The following COBL variants were observed in gnomAD, a reference collection of about 807,000 sequenced individuals.
The protein encoded by COBL is cordon-bleu WH2 repeat protein.
A neutral mutation model predicts 98.8 loss-of-function variants in COBL; 51 were observed. That is an observed-to-expected ratio of 0.52 (90% CI 0.41 to 0.65). The LOEUF (loss-of-function observed/expected upper bound fraction) is 0.65. Among genes scored for constraint, COBL ranks in the 30% least tolerant of loss-of-function variants. The pLI, the probability that COBL is intolerant of heterozygous loss-of-function variation, is 0.00. For synonymous variants in COBL, 634 were observed against 651.7 expected (o/e 0.97, Z 0.41); for missense variants, 1,617 against 1,617.5 (o/e 1.00, Z 0.01).
At chr7:51,140,974 C>G (rs1261714622) in intron 5 of COBL, among the ~76,000 whole-genome samples, 3 of 152,134 alleles carry the variant, frequency 2.0e-5, no homozygotes, top group African/African-American at 7.2e-5. Flanking sequence ...AGCTGCCTCA[C>G]GAGCACACCC....
intron 5 of COBL, among the ~76,000 whole-genome samples, chr7:51,137,598 AAAG>A (rs770185524): frequency 6.6e-6 from 1 of 151,790 alleles, no homozygotes; most frequent in Non-Finnish European, 1.5e-5. Flanking sequence ...AAAAAAAAAA[AAAG>A]GAGTTCTTGG....
At chr7:51,067,173 T>A (rs1792017423) in intron 7 of COBL, among the ~76,000 whole-genome samples, 1 of 152,216 alleles carries the variant, frequency 6.6e-6, no homozygotes. Context: ...AGCCACATAC[T>A]GTCCTTGGCC....
At chr7:51,229,976 A>G (rs930840439) in intron 1 of COBL, among the ~76,000 whole-genome samples, 3 of 151,980 alleles carry the variant, frequency 2.0e-5, no homozygotes, top group Non-Finnish European at 4.4e-5. Flanking sequence ...TCACACCCCT[A>G]CCTTTAGCCC....
chr7:51,246,821 T>C (rs1796310678), intron 1 of COBL, among the ~76,000 whole-genome samples: 1 of 152,186 alleles, frequency 6.6e-6, no homozygotes, highest in Non-Finnish European at 1.5e-5. Context: ...AGATGACTCA[T>C]TTACATTTTT....
At chr7:51,178,695 G>GC (rs1788648927) in intron 5 of COBL, among the ~76,000 whole-genome samples, 1 of 151,828 alleles carries the variant, frequency 6.6e-6, no homozygotes, top group Non-Finnish European at 1.5e-5. Flanking sequence ...TGCAACCTCC[G>GC]CCCCCTGGGT....
At chr7:51,202,927 G>C (rs1791270562) in intron 2 of COBL, among the ~76,000 whole-genome samples, 1 of 152,124 alleles carries the variant, frequency 6.6e-6, no homozygotes, top group South Asian at 2.1e-4. Context: ...TGTAATCCCA[G>C]CTACTTGGAA....
intron 1 of COBL, among the ~76,000 whole-genome samples, chr7:51,245,516 C>T (rs1796211821): frequency 6.6e-6 from 1 of 152,184 alleles, no homozygotes; most frequent in African/African-American, 2.4e-5. Flanking sequence ...CAGCAGCTTG[C>T]TGAAGTGTGA....
chr7:51,145,645 C>A (rs1257216308), intron 5 of COBL, among the ~76,000 whole-genome samples: 1 of 152,178 alleles, frequency 6.6e-6, no homozygotes, highest in Non-Finnish European at 1.5e-5. Context: ...TCCCAAAGTG[C>A]TGGGATAACA....
chr7:51,101,968 G>C (rs191532125), intron 6 of COBL, among the ~76,000 whole-genome samples: 4 of 152,250 alleles, frequency 2.6e-5, no homozygotes, highest in African/African-American at 7.2e-5. Context: ...AAGCCTTCAT[G>C]AATGGCATTA....
intron 5 of COBL, among the ~76,000 whole-genome samples, chr7:51,145,627 C>T: frequency 6.6e-6 from 1 of 152,140 alleles, no homozygotes; most frequent in Non-Finnish European, 1.5e-5. Context: ...GATCTGCCCA[C>T]CTCGGCCTCC....
At chr7:51,205,513 A>C (rs1584164426) in intron 2 of COBL, among the ~76,000 whole-genome samples, 1 of 152,078 alleles carries the variant, frequency 6.6e-6, no homozygotes, top group South Asian at 2.1e-4. Flanking sequence ...GAAAAAAAAA[A>C]ACTCAAAATA....
At chr7:51,060,766 C>T (rs1211678181) in intron 7 of COBL, among the ~76,000 whole-genome samples, 1 of 152,104 alleles carries the variant, frequency 6.6e-6, no homozygotes, top group Non-Finnish European at 1.5e-5. Flanking sequence ...CCAGGGGGCA[C>T]AACAATGATT....
chr7:51,238,389 C>G (rs1385194689), intron 1 of COBL, among the ~76,000 whole-genome samples: 1 of 152,142 alleles, frequency 6.6e-6, no homozygotes, highest in Non-Finnish European at 1.5e-5. Context: ...CCCTGGGCTT[C>G]TGTGTGAAGC....
intron 5 of COBL, among the ~76,000 whole-genome samples, chr7:51,164,039 T>A (rs1277350677): frequency 1.3e-5 from 2 of 152,248 alleles, no homozygotes; most frequent in African/African-American, 4.8e-5. Context: ...CCATAGGTGA[T>A]GAACAGTGTT....
intron 6 of COBL, among the ~76,000 whole-genome samples, chr7:51,126,913 G>GC (rs1328011946): frequency 6.6e-6 from 1 of 152,086 alleles, no homozygotes; most frequent in Non-Finnish European, 1.5e-5. Context: ...CATTCGTCTC[G>GC]CATGAGCCTC....
At position 51,027,768 on chromosome 7, in the gene COBL, G is replaced by A. The variant is rs750970995; in HGVS notation, c.3328C>T (p.His1110Tyr). ...TGGATGGCTTCCATCAGGGCAGAGT[G>A]CAGGGATGTGTCTTTTGGGACTGGT... ...QRPVPKDTSL[H>Y]SALMEAIHSA... Residue 1110 changes from histidine to tyrosine, a missense_variant, in exon 10 of 13, where the codon CAC becomes TAC. By Grantham distance (83) the His-to-Tyr change is moderately conservative. Coordinates refer to ENST00000265136, the MANE Select transcript of COBL (RefSeq NM_015198.5). 6.2e-7 allele frequency: 1 copy of A among 1,614,236 alleles called. No homozygotes were observed. The highest frequency in any genetic ancestry group is 1.1e-5 in the South Asian group (1 of 91,086).
At chr7:51,048,398 A>C (rs1355305610) in intron 7 of COBL, among the ~76,000 whole-genome samples, 1 of 152,222 alleles carries the variant, frequency 6.6e-6, no homozygotes, top group African/African-American at 2.4e-5. Context: ...ATTTACAACT[A>C]AATTAATTGT....
chr7:51,191,831 C>T lies in COBL; in HGVS notation c.457-753G>A, dbSNP rs1042655234. Among the ~76,000 whole-genome samples the T allele has an allele frequency of 2.0e-5, 3 of 152,112 alleles. No homozygotes were observed. In the South Asian group the frequency reaches 6.2e-4, roughly 32 times the overall value. On this transcript the variant is annotated intron_variant, in intron 3 of 12. Coordinates refer to ENST00000265136, the MANE Select transcript of COBL (RefSeq NM_015198.5). The stretch of plus-strand genomic sequence containing the variant: ...GCTTTTACTGATCACTCTAATTGTG[C>T]TAAGACACTGTAGAGCTGGACACAG...
rs1251774907 is a variant in COBL, at chr7:51,017,563, G to A, written c.3774C>T (p.Pro1258=). The A allele has an allele frequency of 6.2e-7, 1 of 1,613,856 alleles. No individual in the cohort carries two copies. The highest frequency in any genetic ancestry group is 1.3e-5 in the African/African-American group (1 of 74,914). ...GTGAARLRKV[P]LLV ...GGCCTCTGTTCATTCACACGAGCAA[G>A]GGCACCTGCAGGGAAGAGAGATTCA... The change falls in exon 13 of 13, where the codon CCC becomes CCT. Residue 1258 remains proline, a synonymous_variant. Coordinates refer to ENST00000265136, the MANE Select transcript of COBL (RefSeq NM_015198.5).
Sources: allele counts gnomAD v4.1 joint callset (sites outside exome capture counted in the v4.1 genomes callset), GRCh38; gene constraint gnomAD v4.1.1; transcripts MANE v1.5; gene names NCBI Gene and HGNC (gene_info 2026-07-23, HGNC 2026-07-21).